Variants in LRRC18 observed in about 807,000 individuals in gnomAD.
The protein encoded by LRRC18 is leucine-rich repeat-containing protein 18.
In LRRC18, 12 loss-of-function variants were observed where a neutral mutation model predicts 11.2. The observed-to-expected ratio is 1.07, with a 90% CI of 0.69 to 1.74. The LOEUF (loss-of-function observed/expected upper bound fraction) is 1.74. Ranked by LOEUF, LRRC18 falls within the 40% of genes most tolerant of loss-of-function variation. The pLI, the probability that LRRC18 is intolerant of heterozygous loss-of-function variation, is 0.00. For synonymous variants in LRRC18, 155 were observed against 130.6 expected (o/e 1.19, Z -1.27); for missense variants, 374 against 330.5 (o/e 1.13, Z -1.02).
chr10:48,910,297 A>G (rs748791220), intron 1 of LRRC18, 39 bp from the exon 4 acceptor site: 3 of 1,595,412 alleles, frequency 1.9e-6, no homozygotes, highest in Admixed American at 1.7e-5. Flanking sequence ...CAATTGCTCC[A>G]GGCCACAGAG....
At chr10:48,931,788 C>G in the LRRC18 span, among the ~76,000 whole-genome samples, 1 of 152,250 alleles carries the variant, frequency 6.6e-6, no homozygotes, top group Non-Finnish European at 1.5e-5. Flanking sequence ...TATCTGAAAT[C>G]ATGACTGAAG....
chr10:48,935,172 C>T, the LRRC18 span: 1 of 152,308 alleles, frequency 6.6e-6, no homozygotes, highest in Admixed American at 6.5e-5. Context: ...CCGAGCAAAA[C>T]TTACCCTGCT....
the LRRC18 span, among the ~76,000 whole-genome samples, chr10:48,939,233 A>G: frequency 1.3e-5 from 2 of 152,332 alleles, no homozygotes; most frequent in Admixed American, 6.5e-5. Context: ...CCAAGAGTAG[A>G]AAAGAATCTC....
chr10:48,936,380 C>T, the LRRC18 span, among the ~76,000 whole-genome samples: 2 of 151,954 alleles, frequency 1.3e-5, no homozygotes, highest in African/African-American at 2.4e-5. Flanking sequence ...AATTCTACTA[C>T]CCAGTATACT....
At chr10:48,910,667 G>T (rs766804550) in intron 1 of LRRC18, among the ~76,000 whole-genome samples, 1 of 152,164 alleles carries the variant, frequency 6.6e-6, no homozygotes, top group Non-Finnish European at 1.5e-5. Flanking sequence ...CACTGCCTGT[G>T]TATGTCTCAA....
the LRRC18 span, among the ~76,000 whole-genome samples, chr10:48,931,841 A>G: frequency 1.3e-5 from 2 of 152,202 alleles, no homozygotes; most frequent in Non-Finnish European, 2.9e-5. Context: ...TTTCCTTAGG[A>G]CTTTGTGCAA....
the LRRC18 span, among the ~76,000 whole-genome samples, chr10:48,930,998 A>G: frequency 6.6e-6 from 1 of 152,046 alleles, no homozygotes; most frequent in Non-Finnish European, 1.5e-5. Context: ...TCCTTCTTAT[A>G]TGTCTACATA....
chr10:48,916,862 T>C (rs1003428872), upstream of LRRC18, among the ~76,000 whole-genome samples: 7 of 137,246 alleles, frequency 5.1e-5, no homozygotes. Flanking sequence ...AAAGTCCTGC[T>C]TTAAAAATAT....
At chr10:48,928,007 A>C in the LRRC18 span, among the ~76,000 whole-genome samples, 12 of 152,262 alleles carry the variant, frequency 7.9e-5, no homozygotes, top group Admixed American at 6.5e-4. Context: ...AACCAAAGGC[A>C]GACCTGGCCC....
chr10:48,910,855 A>T (rs1039392039), intron 1 of LRRC18: 1 of 956,484 alleles, frequency 1.0e-6, no homozygotes, highest in African/African-American at 1.8e-5. Context: ...GGAAGGGAGG[A>T]CGTGGACCAG....
At chr10:48,912,037 A>C (rs1351572302) in intron 1 of LRRC18, among the ~76,000 whole-genome samples, 1 of 152,200 alleles carries the variant, frequency 6.6e-6, no homozygotes, top group Non-Finnish European at 1.5e-5. Context: ...ACTTGCCAAC[A>C]ACATAGGAAA....
At chr10:48,916,606 C>CTGTTTTGTTTTCTAA, upstream of LRRC18, among the ~76,000 whole-genome samples, 1 of 152,268 alleles carries the variant, frequency 6.6e-6, no homozygotes, top group Non-Finnish European at 1.5e-5. Flanking sequence ...AAAACAAAAT[C>CTGTTTTGTTTTCTAA]CAGCCAGAAG....
At chr10:48,920,528 GA>G in the LRRC18 span, among the ~76,000 whole-genome samples, 2 of 150,006 alleles carry the variant, frequency 1.3e-5, no homozygotes, top group Admixed American at 1.3e-4. Context: ...TAAAACAATT[GA>G]AAAAAAAGAA....
intron 1 of LRRC18, chr10:48,910,805 G>T: frequency 2.0e-6 from 1 of 511,600 alleles, no homozygotes; most frequent in Non-Finnish European, 2.5e-6. Flanking sequence ...GCAAGTAAGG[G>T]TGTTGAGGAC....
chr10:48,926,432 A>G, the LRRC18 span, among the ~76,000 whole-genome samples: 1 of 152,190 alleles, frequency 6.6e-6, no homozygotes, highest in Non-Finnish European at 1.5e-5. Context: ...TAAATGAAGG[A>G]TGGTGTGCAC....
rs571121585 is a variant in LRRC18 at position 48,910,259 on chromosome 10, C to G, written c.765-1G>C. 1.9e-5 allele frequency: 29 copies of G among 1,534,238 alleles called. No homozygotes were observed. The South Asian group carries it at 3.1e-4, about 16-fold the overall frequency. ...ACTCTAGGAAGATGTCAAGCGTATTCTGGGGATGGAGACACAAGAAGGTGA... is the reference window on the plus strand; with the variant it reads ...ACTCTAGGAAGATGTCAAGCGTATTGTGGGGATGGAGACACAAGAAGGTGA... On this transcript the variant is annotated splice_acceptor_variant, in intron 1 of 1. Coordinates refer to ENST00000374160, the Ensembl canonical transcript of LRRC18. LOFTEE classifies it high-confidence loss of function.
At chr10:48,909,961 A>G (rs1422761296) in exon 2 of LRRC18, 5 of 479,782 alleles carry the variant, frequency 1.0e-5, no homozygotes, top group African/African-American at 1.9e-5. Context: ...TTAGTTGTCT[A>G]TAATATATAA....
chr10:48,938,451 T>C, the LRRC18 span, among the ~76,000 whole-genome samples: 1 of 152,234 alleles, frequency 6.6e-6, no homozygotes, highest in Non-Finnish European at 1.5e-5. Flanking sequence ...CCACCATATC[T>C]GGAGGCCCAG....
At chr10:48,937,078 G>C in the LRRC18 span, among the ~76,000 whole-genome samples, 2 of 151,878 alleles carry the variant, frequency 1.3e-5, no homozygotes, top group African/African-American at 2.4e-5. Flanking sequence ...ATTTTTAGTA[G>C]AGACGAGGTT....
Sources: allele counts gnomAD v4.1 joint callset (sites outside exome capture counted in the v4.1 genomes callset), GRCh38; gene constraint gnomAD v4.1.1; transcripts MANE v1.5; gene names NCBI Gene and HGNC (gene_info 2026-07-23, HGNC 2026-07-21).